The following GALK1 variants were observed in gnomAD, a reference collection of about 807,000 sequenced individuals.
The protein encoded by GALK1 is galactokinase.
Under a neutral mutation model 38.6 loss-of-function variants are expected in GALK1, and 30 were observed. The observed-to-expected ratio is 0.78, with a 90% confidence interval of 0.58 to 1.05. The LOEUF is 1.05. Among genes scored for constraint, GALK1 ranks in the 50% least tolerant of loss-of-function variants. The probability of loss-of-function intolerance (pLI) is 0.00; values close to 1 mark genes in which losing one functional copy is unlikely to be tolerated. For missense variants in GALK1, 512 were observed against 540.5 expected, an observed-to-expected ratio of 0.95 and a Z score of 0.52; for synonymous variants, 240 against 233.6, an observed-to-expected ratio of 1.03 and a Z score of -0.25.
chr17:75,764,902 C>T, intron 1 of GALK1, 70 bp downstream of exon 1: 2 of 1,535,660 alleles, frequency 1.3e-6, no homozygotes, highest in African/African-American at 1.4e-5. Context: ...CCCAGCGTCC[C>T]CGAGGCCCGC....
chr17:75,757,796 A>C (rs948360950), downstream of GALK1: 6 of 667,264 alleles, frequency 9.0e-6, no homozygotes, highest in Non-Finnish European at 1.5e-5. Context: ...TTCTGCACTT[A>C]ATAAATGGTT....
At chr17:75,753,673 T>A (rs1228095010), downstream of GALK1, 2 of 829,792 alleles carry the variant, frequency 2.4e-6, no homozygotes, top group Non-Finnish European at 3.2e-6. Context: ...GGAGACGGGC[T>A]CCCCTCGCAG....
downstream of GALK1, chr17:75,755,795 G>A (rs146620810): frequency 7.4e-5 from 120 of 1,610,984 alleles, no homozygotes; most frequent in Admixed American, 5.7e-4. Context: ...GGCAGGAGCC[G>A]CGGTGCGAGC....
chr17:75,754,581 C>A (rs1359439988), downstream of GALK1: 1 of 1,613,712 alleles, frequency 6.2e-7, no homozygotes, highest in Middle Eastern at 1.6e-4. Context: ...TGCAGAGCAC[C>A]TGGTGAATGG....
At chr17:75,756,361 A>G, downstream of GALK1, 1 of 1,569,638 alleles carries the variant, frequency 6.4e-7, no homozygotes, top group South Asian at 1.1e-5. Context: ...CAGCTTAGGG[A>G]CGAGGAGGAT....
Position 75,758,902 on chromosome 17 carries a change from A to T in GALK1, c.794-303T>A, listed in dbSNP as rs543561066. Among the ~76,000 whole-genome samples, 13 of 152,236 alleles carry T rather than the reference A, an allele frequency of 8.5e-5. No homozygotes were observed. The East Asian group carries it at 1.9e-3, about 23-fold the overall frequency. ...GCCACCACAGAGCAGGAGGAGAAGA[A>T]GTTCTGCTGAGCCACATGGAGCCTC... On this transcript the variant is annotated intron_variant, in intron 5 of 7. Coordinates refer to ENST00000588479, the MANE Select transcript of GALK1 (RefSeq NM_000154.2).
At chr17:75,760,109 T>A (rs2061581092) in intron 5 of GALK1, among the ~76,000 whole-genome samples, 1 of 152,148 alleles carries the variant, frequency 6.6e-6, no homozygotes, top group South Asian at 2.1e-4. Flanking sequence ...CTTTTTTGTT[T>A]TGGAGACAGG....
chr17:75,755,097 T>C (rs754560568), downstream of GALK1: 1 of 1,604,710 alleles, frequency 6.2e-7, no homozygotes, highest in Non-Finnish European at 8.5e-7. Flanking sequence ...AGGCTTCCGC[T>C]GTCCTGGGCC....
Position 75,758,374 on chromosome 17 carries a change from T to A in GALK1, c.945-2A>T. 1 of 1,588,028 alleles carries A rather than the reference T, an allele frequency of 6.3e-7. No homozygotes were observed. Among genetic ancestry groups the A allele is most frequent in the Non-Finnish European group, 8.6e-7 (1 of 1,167,886 alleles). On this transcript the variant is annotated splice_acceptor_variant, in intron 6 of 7. Coordinates refer to ENST00000588479, the MANE Select transcript of GALK1 (RefSeq NM_000154.2). LOFTEE classifies it high-confidence loss of function. ...GGGCAGCTCACCTCATAGTCGTCTC[T>A]GCAGAGAGGATATTGAAGGGGTGGG...
intron 8 of GALK1, chr17:75,752,584 G>A (rs1401214444): frequency 4.3e-6 from 7 of 1,613,302 alleles, no homozygotes; most frequent in Non-Finnish European, 5.9e-6. Flanking sequence ...ACTGGTGAGT[G>A]GAGACCTGGG....
At chr17:75,759,737 C>G (rs888640888) in intron 5 of GALK1, among the ~76,000 whole-genome samples, 3 of 152,258 alleles carry the variant, frequency 2.0e-5, no homozygotes, top group Admixed American at 1.3e-4. Context: ...CAGGTCTGAG[C>G]ACTGCTCTGG....
chr17:75,754,339 C>T, downstream of GALK1: 1 of 605,794 alleles, frequency 1.7e-6, no homozygotes, highest in South Asian at 2.0e-5. Context: ...CCAGGGTCAG[C>T]AGTGCTCACA....
chr17:75,762,790 T>C lies in GALK1; in HGVS notation c.707A>G (p.Tyr236Cys). 2 of 1,613,878 alleles carry C rather than the reference T, an allele frequency of 1.2e-6. No individual in the cohort carries two copies. The highest frequency in any genetic ancestry group is 2.2e-5 in the South Asian group (2 of 91,088). Residue 236 changes from tyrosine to cysteine, a missense_variant, in exon 5 of 8, where the codon TAC becomes TGC. By Grantham distance (194) the Tyr-to-Cys change is radical (BLOSUM62 -2). Coordinates refer to ENST00000588479, the MANE Select transcript of GALK1 (RefSeq NM_000154.2). ...NVRHSLASSEYPVRRRQCEEV... is the reference protein window; with the variant it reads ...NVRHSLASSECPVRRRQCEEV... ...TTCACATTGGCGCCGCCGCACAGGG[T>C]ACTCGCTGGAGGCCAGGGAGTGGCG...
downstream of GALK1, chr17:75,755,897 C>T (rs755963968): frequency 1.5e-5 from 23 of 1,584,804 alleles, no homozygotes; most frequent in Non-Finnish European, 1.9e-5. Context: ...CCTGCAAGGC[C>T]TGGCCCCAGT....
downstream of GALK1, chr17:75,757,279 C>A: frequency 1.9e-6 from 3 of 1,611,118 alleles, no homozygotes; most frequent in Middle Eastern, 1.7e-4. Flanking sequence ...TCACCACCAC[C>A]CACACCAGCG....
At chr17:75,760,410 T>A (rs1038577533) in intron 5 of GALK1, among the ~76,000 whole-genome samples, 2 of 151,584 alleles carry the variant, frequency 1.3e-5, no homozygotes, top group African/African-American at 4.8e-5. Flanking sequence ...ACAATACTTG[T>A]GTCTCTTGAC....
At chr17:75,760,981 A>AT (rs779149798) in intron 5 of GALK1, among the ~76,000 whole-genome samples, 24 of 152,176 alleles carry the variant, frequency 1.6e-4, no homozygotes, top group Non-Finnish European at 2.9e-4. Context: ...AGGTGGGCAG[A>AT]TCACCAGGTC....
downstream of GALK1, chr17:75,753,724 G>GC (rs1568381926): frequency 1.1e-5 from 14 of 1,318,692 alleles, no homozygotes; most frequent in East Asian, 8.7e-5. Flanking sequence ...TCGGCCCGGC[G>GC]CCCCCCGGCG....
intron 8 of GALK1, chr17:75,752,393 C>T: frequency 1.9e-6 from 3 of 1,612,612 alleles, no homozygotes; most frequent in Non-Finnish European, 2.5e-6. Context: ...GCAGACCGGG[C>T]AGGGGGGCAG....
Sources: allele counts gnomAD v4.1 joint callset (sites outside exome capture counted in the v4.1 genomes callset), GRCh38; gene constraint gnomAD v4.1.1; transcripts MANE v1.5; gene names NCBI Gene and HGNC (gene_info 2026-07-23, HGNC 2026-07-21).